Variants in COG6 observed in about 807,000 individuals in gnomAD.
The protein encoded by COG6 is conserved oligomeric Golgi complex subunit 6.
In COG6, 74 loss-of-function variants were observed where a neutral mutation model predicts 88.8. The observed-to-expected ratio is 0.83, with a 90% CI of 0.69 to 1.01. The LOEUF (loss-of-function observed/expected upper bound fraction) is 1.01, where lower values mean the gene tolerates loss of function less well. Among genes scored for constraint, COG6 ranks in the 50% least tolerant of loss-of-function variants. The probability of loss-of-function intolerance (pLI) is 0.00; values close to 1 mark genes in which losing one functional copy is unlikely to be tolerated. For synonymous variants in COG6, 286 were observed against 278.7 expected, an observed-to-expected ratio of 1.03 and a Z score of -0.26; for missense variants, 800 against 797.9, an observed-to-expected ratio of 1.00 and a Z score of -0.03.
chr13:39,774,028 G>C (rs1366305033), intron 18 of COG6, among the ~76,000 whole-genome samples: 1 of 152,130 alleles, frequency 6.6e-6, no homozygotes, highest in Non-Finnish European at 1.5e-5. Flanking sequence ...CTGCCCCACA[G>C]TCACAGATCA....
rs556644410 is a variant in COG6 at position 39,655,720 on chromosome 13, C to A, written c.-7C>A. The A allele has an allele frequency of 6.3e-7, 1 of 1,588,504 alleles. No homozygotes were observed. The highest frequency in any genetic ancestry group is 1.7e-5 in the Admixed American group (1 of 57,698). ...AGGTGGCAGCAGGGGGCGGGACGCGCAGCGCTATGGCAGAGGGCAGCGGGG... is the reference window on the plus strand; with the variant it reads ...AGGTGGCAGCAGGGGGCGGGACGCGAAGCGCTATGGCAGAGGGCAGCGGGG... On this transcript the variant is annotated 5_prime_UTR_variant, in exon 1 of 19. Coordinates refer to ENST00000455146, the MANE Select transcript of COG6 (RefSeq NM_020751.3).
intron 13 of COG6, among the ~76,000 whole-genome samples, chr13:39,711,289 T>A (rs1433578472): frequency 1.3e-5 from 2 of 152,170 alleles, no homozygotes; most frequent in Non-Finnish European, 2.9e-5. Context: ...CTCATAGACT[T>A]CAATGTGGTC....
intron 8 of COG6, 185 bp downstream of exon 8, chr13:39,682,449 T>G (rs1386672751): frequency 5.8e-5 from 32 of 550,944 alleles, no homozygotes; most frequent in Middle Eastern, 5.0e-4. Context: ...TTTTACATAC[T>G]ATAGAATACA....
At chr13:39,711,984 C>T (rs532841581) in intron 13 of COG6, among the ~76,000 whole-genome samples, 2 of 152,230 alleles carry the variant, frequency 1.3e-5, no homozygotes, top group East Asian at 1.9e-4. Flanking sequence ...TTCAGCCTCC[C>T]GAGTGGCTAC....
chr13:39,732,038 A>T (rs923601960), intron 18 of COG6, among the ~76,000 whole-genome samples: 1 of 152,166 alleles, frequency 6.6e-6, no homozygotes, highest in Admixed American at 6.5e-5. Flanking sequence ...TTTTTGTTCC[A>T]TTCAGGCCTT....
rs370228676 is a variant in COG6 at position 39,694,622 on chromosome 13, A to C, written c.1075-12A>C. The C allele has an allele frequency of 1.8e-4, 270 of 1,519,376 alleles. No homozygotes were observed. The highest frequency in any genetic ancestry group is 2.3e-4 in the Non-Finnish European group (248 of 1,096,436). The allele number at this position is 1,519,376 out of a possible 1,614,324, so 94.1% of individuals were successfully genotyped here. A position where few individuals can be genotyped will look rare whatever the true frequency, so the allele number is the denominator to read the frequency against. ...TAAGAAATGTTTACTTTCCTCTCAC[A>C]TATTTTAATAGGTTCGAATTGAGCA... On this transcript the variant is annotated splice_polypyrimidine_tract_variant and intron_variant, in intron 11 of 18. Transcript: ENST00000455146.
intron 13 of COG6, among the ~76,000 whole-genome samples, chr13:39,715,230 A>G (rs1313441940): frequency 6.7e-6 from 1 of 150,338 alleles, no homozygotes; most frequent in African/African-American, 2.5e-5. Flanking sequence ...TTAAAGATTT[A>G]TTGCTTCCAA....
At chr13:39,723,922 G>A (rs977679074) in intron 16 of COG6, among the ~76,000 whole-genome samples, 1 of 151,870 alleles carries the variant, frequency 6.6e-6, no homozygotes, top group Non-Finnish European at 1.5e-5. Context: ...CACTTCTGGG[G>A]CCAGCATATG....
intron 2 of COG6, among the ~76,000 whole-genome samples, chr13:39,660,043 T>A (rs888964811): frequency 6.6e-6 from 1 of 152,192 alleles, no homozygotes; most frequent in Non-Finnish European, 1.5e-5. Context: ...GCTGTTTTAA[T>A]ACATTGTAAT....
At chr13:39,724,411 G>A (rs1288935124) in intron 16 of COG6, 97 bp from the exon 17 acceptor site, 2 of 890,302 alleles carry the variant, frequency 2.2e-6, no homozygotes, top group African/African-American at 1.7e-5. Context: ...TCCAAATTTG[G>A]GCAGTGCACT....
chr13:39,670,472 G>T (rs1311434726), intron 4 of COG6, among the ~76,000 whole-genome samples: 3 of 151,736 alleles, frequency 2.0e-5, no homozygotes, highest in African/African-American at 7.3e-5. Flanking sequence ...CGAAACCTTG[G>T]GTAAGAGATT....
intron 18 of COG6, among the ~76,000 whole-genome samples, chr13:39,776,649 GA>G (rs1174117737): frequency 6.6e-6 from 1 of 152,162 alleles, no homozygotes; most frequent in Non-Finnish European, 1.5e-5. Flanking sequence ...AATTGAAGAT[GA>G]AAAAAGCCCA....
chr13:39,737,227 T>G lies in COG6; in HGVS notation c.1826+9679T>G, dbSNP rs1338249246. On this transcript the variant is annotated intron_variant, in intron 18 of 18. Coordinates refer to ENST00000455146, the MANE Select transcript of COG6 (RefSeq NM_020751.3). ...AGCTGGGGGAGTGGTGATACATGCC[T>G]CTTCGTGGCACCACCACTGGTACTG... Among the ~76,000 whole-genome samples the G allele has an allele frequency of 3.9e-5, 6 of 152,174 alleles. No homozygotes were observed. In the East Asian group the frequency reaches 1.2e-3, roughly 30 times the overall value.
intron 13 of COG6, among the ~76,000 whole-genome samples, chr13:39,712,129 A>C (rs1878277642): frequency 1.3e-5 from 2 of 152,176 alleles, no homozygotes; most frequent in Non-Finnish European, 2.9e-5. Flanking sequence ...CAGTGCTGAG[A>C]CTACAGGCGT....
intron 18 of COG6, among the ~76,000 whole-genome samples, chr13:39,740,781 A>T (rs1880002229): frequency 6.6e-6 from 1 of 152,154 alleles, no homozygotes; most frequent in Non-Finnish European, 1.5e-5. Context: ...TTATATTTAT[A>T]TGGTAATGAA....
chr13:39,710,967 T>C (rs538209836), intron 13 of COG6, among the ~76,000 whole-genome samples: 2 of 152,202 alleles, frequency 1.3e-5, no homozygotes, highest in East Asian at 3.9e-4. Flanking sequence ...ATTTTACTTT[T>C]GTTTAAGATT....
rs1234969090 is a variant in COG6 at position 39,752,265 on chromosome 13, A to G, written c.*1172A>G. 3.2e-6 allele frequency: 3 copies of G among 923,412 alleles called. No homozygotes were observed. Among genetic ancestry groups the G allele is most frequent in the Non-Finnish European group, 4.3e-6 (3 of 699,244 alleles). The allele number at this position is 923,412 out of a possible 1,614,324, so 57.2% of individuals were successfully genotyped here. A position where few individuals can be genotyped will look rare whatever the true frequency, so the allele number is the denominator to read the frequency against. ...GTTTGAAATATTTTGAAAAGTAATA[A>G]CATAAAACTAGTATTTGTAGAAGAT... On this transcript the variant is annotated 3_prime_UTR_variant, in exon 19 of 19. Coordinates refer to ENST00000455146, the MANE Select transcript of COG6 (RefSeq NM_020751.3).
At chr13:39,747,783 C>T (rs1880419936) in intron 18 of COG6, among the ~76,000 whole-genome samples, 1 of 152,066 alleles carries the variant, frequency 6.6e-6, no homozygotes, top group Non-Finnish European at 1.5e-5. Flanking sequence ...ACAAATGTGT[C>T]AAGTTACAAC....
downstream of COG6, chr13:39,752,658 G>A: frequency 3.2e-6 from 4 of 1,243,840 alleles, no homozygotes; most frequent in Non-Finnish European, 4.1e-6. Context: ...CAGCTGTCCT[G>A]TAGATATATA....
Sources: allele counts gnomAD v4.1 joint callset (sites outside exome capture counted in the v4.1 genomes callset), GRCh38; gene constraint gnomAD v4.1.1; transcripts MANE v1.5; gene names NCBI Gene and HGNC (gene_info 2026-07-23, HGNC 2026-07-21).